ERC1: variants seen among roughly 807,000 people sequenced by gnomAD.
The protein encoded by ERC1 is ELKS/RAB6-interacting/CAST family member 1.
A neutral mutation model predicts 132.0 loss-of-function variants in ERC1; 56 were observed. That is an observed-to-expected ratio of 0.42 (90% CI 0.34 to 0.53). The LOEUF is 0.53. ERC1 is among the 20% of genes least tolerant of loss of function. ERC1 has a pLI of 0.03. For synonymous variants in ERC1, 478 were observed against 476.1 expected (o/e 1.00, Z -0.05); for missense variants, 1,202 against 1,349.9 (o/e 0.89, Z 1.72).
chr12:1,013,100 T>TG (rs1565781988), intron 1 of ERC1, among the ~76,000 whole-genome samples: 1 of 152,202 alleles, frequency 6.6e-6, no homozygotes, highest in Non-Finnish European at 1.5e-5. Context: ...CTGATCACGA[T>TG]GTAGTATGAG....
chr12:1,232,997 C>G (rs966154542), intron 12 of ERC1, among the ~76,000 whole-genome samples: 4 of 151,952 alleles, frequency 2.6e-5, no homozygotes, highest in South Asian at 2.1e-4. Flanking sequence ...TGTTTATATG[C>G]CAGCAAATAG....
chr12:1,298,425 C>A (rs1288412729), intron 15 of ERC1, among the ~76,000 whole-genome samples: 1 of 151,678 alleles, frequency 6.6e-6, no homozygotes, highest in African/African-American at 2.4e-5. Context: ...TGTCTGTTAT[C>A]CCAGCTACTC....
chr12:1,321,671 C>CT (rs1722359048), intron 15 of ERC1, among the ~76,000 whole-genome samples: 1 of 152,106 alleles, frequency 6.6e-6, no homozygotes, highest in African/African-American at 2.4e-5. Flanking sequence ...CATGCAGTTG[C>CT]TTTAGAAGCC....
At chr12:1,431,413 A>G (rs2092793979) in intron 17 of ERC1, among the ~76,000 whole-genome samples, 1 of 152,246 alleles carries the variant, frequency 6.6e-6, no homozygotes, top group East Asian at 1.9e-4. Flanking sequence ...TTGTATCAGT[A>G]TCAAGGAATT....
chr12:1,415,741 T>C (rs1365860981), intron 17 of ERC1, among the ~76,000 whole-genome samples: 2 of 152,188 alleles, frequency 1.3e-5, no homozygotes, highest in African/African-American at 2.4e-5. Flanking sequence ...TGACTTTTGA[T>C]ATGACAGACA....
chr12:1,332,116 T>C (rs1303134057), intron 15 of ERC1, among the ~76,000 whole-genome samples: 4 of 152,202 alleles, frequency 2.6e-5, no homozygotes, highest in East Asian at 3.8e-4. Flanking sequence ...TTCTCTTAAA[T>C]TTTTTACTCT....
rs562392419 is a variant in ERC1, at chr12:1,495,872, T to C, written c.*5642T>C. ...ATAATTATTGTAAACACTTTGTTCA[T>C]TTTTTCTTTTTTATTCACAAACTAA... On this transcript the variant is annotated 3_prime_UTR_variant, in exon 19 of 19. Transcript: ENST00000360905. 12 of 191,760 alleles carry C rather than the reference T, an allele frequency of 6.3e-5. No homozygotes were observed. The highest frequency in any genetic ancestry group is 2.4e-4 in the Admixed American group (4 of 16,332). The allele number at this position is 191,760 out of a possible 1,614,324, so 11.9% of individuals were successfully genotyped here.
intron 2 of ERC1, among the ~76,000 whole-genome samples, chr12:1,032,508 C>T (rs1384412748): frequency 6.6e-6 from 1 of 152,090 alleles, no homozygotes; most frequent in Non-Finnish European, 1.5e-5. Context: ...GGGATGTGAC[C>T]TACTCTTGTT....
At chr12:1,448,103 G>C (rs1227338312) in intron 18 of ERC1, among the ~76,000 whole-genome samples, 2 of 152,218 alleles carry the variant, frequency 1.3e-5, no homozygotes, top group African/African-American at 4.8e-5. Context: ...CAAGTTTTGA[G>C]TGAATGAAAC....
chr12:1,210,575 G>A (rs1234113351), intron 12 of ERC1, among the ~76,000 whole-genome samples: 1 of 152,172 alleles, frequency 6.6e-6, no homozygotes, highest in African/African-American at 2.4e-5. Flanking sequence ...CCTGTCATAG[G>A]CAGGAGGGAA....
intron 14 of ERC1, among the ~76,000 whole-genome samples, chr12:1,264,099 C>G (rs1320946410): frequency 6.6e-6 from 1 of 152,124 alleles, no homozygotes; most frequent in Non-Finnish European, 1.5e-5. Context: ...AAGGTTGTAA[C>G]AAGTTAAGGT....
intron 18 of ERC1, among the ~76,000 whole-genome samples, chr12:1,483,668 CTTTTTTTTTTTTTTTTTTT>C (rs35596394): frequency 2.7e-4 from 15 of 55,188 alleles, no homozygotes; most frequent in South Asian, 8.7e-4. Context: ...CCACTGAGAG[CTTTTTTTTTTTTTTTTTTT>C]TTTTTTTTTT....
intron 18 of ERC1, among the ~76,000 whole-genome samples, chr12:1,446,541 A>G (rs2093308558): frequency 6.6e-6 from 1 of 152,208 alleles, no homozygotes. Context: ...CTAGCTAAAT[A>G]CTTTCTATTT....
In ERC1 at chr12:1,029,681, C is replaced by A. The variant is rs150978845; in HGVS notation, c.669+1109C>A. 5.7e-4 allele frequency among the ~76,000 whole-genome samples: 87 copies of A among 151,604 alleles called. No homozygotes were observed. In the East Asian group the frequency reaches 8.9e-3, roughly 16 times the overall value. On this transcript the variant is annotated intron_variant, in intron 2 of 18. Transcript: ENST00000360905. ...AGCCATGCCACATTCAGTGAGGAAG[C>A]TGATGACTCCAAAGATGTGAACAAA...
intron 18 of ERC1, among the ~76,000 whole-genome samples, chr12:1,465,125 T>C (rs2093718659): frequency 1.3e-5 from 2 of 152,090 alleles, no homozygotes. Flanking sequence ...TCCAGGTCAT[T>C]GAACGCGGGT....
At chr12:1,042,960 G>A (rs532238963) in intron 2 of ERC1, among the ~76,000 whole-genome samples, 5 of 151,888 alleles carry the variant, frequency 3.3e-5, no homozygotes, top group Admixed American at 2.6e-4. Flanking sequence ...GTAATTTTAG[G>A]AGGGTCTATT....
rs115756614 is a variant in ERC1, at chr12:1,344,876, G to A, written c.2781-26957G>A. ...GGTCATACAACTAGTAAGCGGCACT[G>A]TCCAGCTCCAGAACACATGCTTTTT... On this transcript the variant is annotated intron_variant, in intron 15 of 18. Transcript: ENST00000360905. Among the ~76,000 whole-genome samples the A allele has an allele frequency of 6.0e-3, 909 of 152,286 alleles. 11 individuals carry two copies. The highest frequency in any genetic ancestry group is 0.021 in the African/African-American group (865 of 41,556).
intron 7 of ERC1, among the ~76,000 whole-genome samples, chr12:1,141,390 C>T (rs1264762962): frequency 6.6e-6 from 1 of 152,100 alleles, no homozygotes; most frequent in Admixed American, 6.5e-5. Context: ...TGATTTAGCC[C>T]TCCAGATGAT....
Position 1,421,885 on chromosome 12 carries a change from G to C in ERC1, c.3024+13638G>C, listed in dbSNP as rs184046050. Reference sequence around the variant, plus strand: ...ACAAAAAAAAAAAAAAATTAGCTGGGTATGGTGGTGCGTGCCTGTAGTCCC... The same window carrying C: ...ACAAAAAAAAAAAAAAATTAGCTGGCTATGGTGGTGCGTGCCTGTAGTCCC... On this transcript the variant is annotated intron_variant, in intron 17 of 18. Coordinates refer to ENST00000360905, the MANE Select transcript of ERC1 (RefSeq NM_178040.4). Among the ~76,000 whole-genome samples, 1,231 of 146,816 alleles carry C rather than the reference G, an allele frequency of 8.4e-3. 17 individuals carry two copies. The highest frequency in any genetic ancestry group is 0.033 in the African/African-American group (1,192 of 36,468).
Sources: allele counts gnomAD v4.1 joint callset (sites outside exome capture counted in the v4.1 genomes callset), GRCh38; gene constraint gnomAD v4.1.1; transcripts MANE v1.5; gene names NCBI Gene and HGNC (gene_info 2026-07-23, HGNC 2026-07-21).